Variants in ADGRB1 observed in about 807,000 individuals in gnomAD.
ADGRB1 encodes the protein adhesion G protein-coupled receptor B1, also known as brain-specific angiogenesis inhibitor 1.
ADGRB1 carries 36 observed loss-of-function variants against 175.7 expected under a neutral mutation model. The observed-to-expected ratio is 0.20, with a 90% CI of 0.16 to 0.27. The LOEUF is 0.27. Ranked by LOEUF, ADGRB1 falls within the 10% of genes least tolerant of loss-of-function variation. The pLI, the probability that ADGRB1 is intolerant of heterozygous loss-of-function variation, is 1.00. For missense variants in ADGRB1, 1,731 were observed against 2,255.3 expected, an observed-to-expected ratio of 0.77 and a Z score of 4.71; for synonymous variants, 1,054 against 979.4, an observed-to-expected ratio of 1.08 and a Z score of -1.42.
chr8:142,525,787 C>T (rs1014111733), intron 23 of ADGRB1, among the ~76,000 whole-genome samples: 79 of 152,274 alleles, frequency 5.2e-4, no homozygotes, highest in African/African-American at 1.8e-3. Flanking sequence ...GGAAGTCAGG[C>T]CTTGCCCCTC....
chr8:142,467,741 A>G (rs887342763), intron 2 of ADGRB1, among the ~76,000 whole-genome samples: 1 of 152,192 alleles, frequency 6.6e-6, no homozygotes, highest in Non-Finnish European at 1.5e-5. Context: ...GGCTTGCCGT[A>G]TGTCCCTGGG....
At chr8:142,526,499 G>A (rs1451142888) in intron 23 of ADGRB1, 43 bp from the exon 24 acceptor site, 6 of 1,366,018 alleles carry the variant, frequency 4.4e-6, no homozygotes, top group East Asian at 5.0e-5. Context: ...CTGAGCCTAC[G>A]GCGGCCCCCA....
In ADGRB1 at chr8:142,474,784, A is replaced by G. The variant is rs1840858729; in HGVS notation, c.785-690A>G. Reference sequence around the variant, plus strand: ...GAAGCTGAACAGAGCGGCCGGGGTCAGGGCAGGGGCGTGGCGGGGAGGCGC... The same window carrying G: ...GAAGCTGAACAGAGCGGCCGGGGTCGGGGCAGGGGCGTGGCGGGGAGGCGC... On this transcript the variant is annotated intron_variant, in intron 2 of 30. Transcript: ENST00000517894. This position sits in a 1 kb window ranked among gnomAD's most constrained non-coding sequence, Gnocchi z 5.8. Among the ~76,000 whole-genome samples, 1 of 152,120 alleles carries G rather than the reference A, an allele frequency of 6.6e-6. No individual in the cohort carries two copies. Among genetic ancestry groups the G allele is most frequent in the Non-Finnish European group, 1.5e-5 (1 of 68,002 alleles).
At chr8:142,459,660 A>G (rs1839867009) in intron 1 of ADGRB1, among the ~76,000 whole-genome samples, 1 of 152,206 alleles carries the variant, frequency 6.6e-6, no homozygotes, top group Admixed American at 6.5e-5. Flanking sequence ...TCACATATGC[A>G]CACTCACAGG....
chr8:142,489,360 G>A lies in ADGRB1; in HGVS notation c.2553G>A (p.Lys851=). 1.2e-6 allele frequency: 2 copies of A among 1,612,956 alleles called. No individual in the cohort carries two copies. Among genetic ancestry groups the A allele is most frequent in the East Asian group, 4.5e-5 (2 of 44,872 alleles). ...GGAACACGACCGTCCTGAATTCTAAGGTGATCTCCGTGACTGTGAAACCCC... is the reference window on the plus strand; with the variant it reads ...GGAACACGACCGTCCTGAATTCTAAAGTGATCTCCGTGACTGTGAAACCCC... ...LQRNTTVLNS[K]VISVTVKPPP... is the part of the protein sequence containing the mutation. The change falls in exon 16 of 31, where the codon AAG becomes AAA. Residue 851 remains lysine, a synonymous_variant. Transcript: ENST00000517894.
At position 142,493,492 on chromosome 8, in the gene ADGRB1, G is replaced by A. The variant is rs1051139716; in HGVS notation, c.2675+2677G>A. The stretch of plus-strand genomic sequence containing the variant: ...CAGGTGTTCCACCCACCCCGTCACC[G>A]GCTGGGTGCGCTGAGTGCTAAGGTC... On this transcript the variant is annotated intron_variant, in intron 17 of 30. Transcript: ENST00000517894. The surrounding 1 kb of genome is among the most constrained non-coding windows in gnomAD (Gnocchi z 5.0). Among the ~76,000 whole-genome samples, 4 of 152,242 alleles carry A rather than the reference G, an allele frequency of 2.6e-5. No individual in the cohort carries two copies. The highest frequency in any genetic ancestry group is 4.8e-5 in the African/African-American group (2 of 41,474).
Position 142,474,510 on chromosome 8 carries a change from C to T in ADGRB1, c.785-964C>T, listed in dbSNP as rs1288996384. 2.0e-5 allele frequency among the ~76,000 whole-genome samples: 3 copies of T among 152,172 alleles called. No homozygotes were observed. Among genetic ancestry groups the T allele is most frequent in the Non-Finnish European group, 2.9e-5 (2 of 68,016 alleles). The stretch of plus-strand genomic sequence containing the variant: ...AGGCCTGGACGCGGCAGCCCCTTCC[C>T]GGCCCCCTGGTGCTGCTGCCCCTCT... On this transcript the variant is annotated intron_variant, in intron 2 of 30. Transcript: ENST00000517894. The surrounding 1 kb of genome is among the most constrained non-coding windows in gnomAD (Gnocchi z 5.8).
Position 142,464,290 on chromosome 8 carries a change from C to T in ADGRB1, c.92C>T (p.Ala31Val). Residue 31 changes from alanine to valine, a missense_variant, in exon 2 of 31, where the codon GCC (alanine) becomes GTC (valine). Physicochemically the swap from Ala to Val is moderately conservative, Grantham distance 64. Transcript: ENST00000517894. ...CTGCTGGGACGCCGCGCGCGGGCGG[C>T]CGCCGGAGCAGACGCGGGGCCCGGG... ...LLLLGRRARAAAGADAGPGPE... is the reference protein window; with the variant it reads ...LLLLGRRARAVAGADAGPGPE... The T allele has an allele frequency of 7.3e-7, 1 of 1,368,892 alleles. No individual in the cohort carries two copies. The highest frequency in any genetic ancestry group is 9.3e-7 in the Non-Finnish European group (1 of 1,069,598). 84.8% of individuals were successfully genotyped at this position (1,368,892 alleles called of 1,614,324 possible).
Position 142,477,185 on chromosome 8 carries a change from C to T in ADGRB1, c.1129C>T (p.Arg377Cys). Residue 377 changes from arginine to cysteine, a missense_variant, in exon 5 of 31, where the codon CGC becomes TGC. This residue lies in a region of ADGRB1 where 178 missense variants were observed against 227.8 expected (regional missense o/e 0.78). Coordinates refer to ENST00000517894, the MANE Select transcript of ADGRB1 (RefSeq NM_001702.3). Reference sequence around the variant, plus strand: ...CACCTGCGGCGAGGGCTGGCAGACCCGCACGCGCTTCTGCGTGTCCTCCTC... The same window carrying T: ...CACCTGCGGCGAGGGCTGGCAGACCTGCACGCGCTTCTGCGTGTCCTCCTC... ...SSTCGEGWQT[R>C]TRFCVSSSYS... 1 of 1,597,158 alleles carries T rather than the reference C, an allele frequency of 6.3e-7. No individual in the cohort carries two copies. Among genetic ancestry groups the T allele is most frequent in the Non-Finnish European group, 8.5e-7 (1 of 1,178,248 alleles).
Position 142,474,132 on chromosome 8 carries a change from C to T in ADGRB1, c.785-1342C>T, listed in dbSNP as rs1666870139. Among the ~76,000 whole-genome samples the T allele has an allele frequency of 6.6e-6, 1 of 152,140 alleles. No homozygotes were observed. Among genetic ancestry groups the T allele is most frequent in the Non-Finnish European group, 1.5e-5 (1 of 68,022 alleles). On this transcript the variant is annotated intron_variant, in intron 2 of 30. Transcript: ENST00000517894. This position sits in a 1 kb window ranked among gnomAD's most constrained non-coding sequence, Gnocchi z 5.8. ...GGGGGAATCTGGCAGCTGGAGCTAC[C>T]CTGGGGTCTCCTGCAGTCCACACTC...
intron 26 of ADGRB1, among the ~76,000 whole-genome samples, chr8:142,539,082 C>G (rs1298438745): frequency 6.6e-6 from 1 of 152,228 alleles, no homozygotes; most frequent in Non-Finnish European, 1.5e-5. Context: ...TTACAAACAC[C>G]TGAATCCACA....
chr8:142,467,271 G>A (rs983158946), intron 2 of ADGRB1, among the ~76,000 whole-genome samples: 2 of 152,242 alleles, frequency 1.3e-5, no homozygotes, highest in Non-Finnish European at 2.9e-5. Context: ...TGGTTGGGCT[G>A]TGAGTGCAGA....
chr8:142,490,719 T>TG, intron 16 of ADGRB1, 53 bp from the exon 17 acceptor site: 2 of 1,540,066 alleles, frequency 1.3e-6, no homozygotes, highest in Non-Finnish European at 8.8e-7. Flanking sequence ...GACCCGAGGG[T>TG]GGGGGCTGGT....
At chr8:142,538,383 C>T (rs1352608764) in intron 26 of ADGRB1, among the ~76,000 whole-genome samples, 1 of 152,192 alleles carries the variant, frequency 6.6e-6, no homozygotes. Context: ...GGGTGACGTC[C>T]AGGCAGGCCC....
Position 142,510,926 on chromosome 8 carries a change from C to T in ADGRB1, c.2676-6C>T, listed in dbSNP as rs1478341435. ...TGTCTCCCTCCCGTGTCCCGCCCGCCCCCAGACCCTCCTCCTCCGCCCCCC... is the reference window on the plus strand; with the variant it reads ...TGTCTCCCTCCCGTGTCCCGCCCGCTCCCAGACCCTCCTCCTCCGCCCCCC... On this transcript the variant is annotated splice_region_variant and splice_polypyrimidine_tract_variant and intron_variant, in intron 17 of 30. Coordinates refer to ENST00000517894, the MANE Select transcript of ADGRB1 (RefSeq NM_001702.3). The surrounding 1 kb of genome is among the most constrained non-coding windows in gnomAD (Gnocchi z 6.3). 3 of 1,215,014 alleles carry T rather than the reference C, an allele frequency of 2.5e-6. No homozygotes were observed. Among genetic ancestry groups the T allele is most frequent in the African/African-American group, 3.3e-5 (2 of 61,132 alleles). The allele number at this position is 1,215,014 out of a possible 1,614,324, so 75.3% of individuals were successfully genotyped here.
chr8:142,510,623 C>G lies in ADGRB1; in HGVS notation c.2676-309C>G, dbSNP rs1347938973. Among the ~76,000 whole-genome samples the G allele has an allele frequency of 6.9e-6, 1 of 145,864 alleles. No individual in the cohort carries two copies. The highest frequency in any genetic ancestry group is 6.8e-5 in the Admixed American group (1 of 14,720). ...GCGGGGGCGCGGGGCGGGCGACTGC[C>G]GGGCCCCGGGCCAGCTCTCGCCCCC... is the stretch of plus-strand genomic sequence containing the variant. On this transcript the variant is annotated intron_variant, in intron 17 of 30. Coordinates refer to ENST00000517894, the MANE Select transcript of ADGRB1 (RefSeq NM_001702.3). The surrounding 1 kb of genome is among the most constrained non-coding windows in gnomAD (Gnocchi z 6.3).
intron 17 of ADGRB1, among the ~76,000 whole-genome samples, chr8:142,509,591 C>T (rs1240106228): frequency 1.3e-5 from 2 of 152,222 alleles, no homozygotes; most frequent in Middle Eastern, 3.2e-3. Context: ...GCTGAAGACT[C>T]TGCAAGGCAC....
At chr8:142,459,210 G>T (rs1839842488) in intron 1 of ADGRB1, among the ~76,000 whole-genome samples, 1 of 152,350 alleles carries the variant, frequency 6.6e-6, no homozygotes, top group East Asian at 1.9e-4. Flanking sequence ...GGCTGGAAAA[G>T]CCTGCTGGGG....
Position 142,489,405 on chromosome 8 carries a change from A to G in ADGRB1, c.2598A>G (p.Thr866=), listed in dbSNP as rs745386913. 63 of 1,612,670 alleles carry G rather than the reference A, an allele frequency of 3.9e-5. No homozygotes were observed. Among genetic ancestry groups the G allele is most frequent in the African/African-American group, 3.2e-4 (24 of 74,864 alleles). Residue 866 remains threonine (T), a synonymous_variant, in exon 16 of 31, where the codon ACA becomes ACG. Transcript: ENST00000517894. The part of the protein sequence containing the change: ...TVKPPPRSLR[T]PLEIEFAHMY... The stretch of plus-strand genomic sequence containing the variant: ...AACCCCCGCCTCGCTCCCTGCGCAC[A>G]CCCTTGGAGATCGAGTTTGCCCACA...
Sources: allele counts gnomAD v4.1 joint callset (sites outside exome capture counted in the v4.1 genomes callset), GRCh38; gene constraint gnomAD v4.1.1; regional missense constraint gnomAD v4.1.1; non-coding constraint Gnocchi (gnomAD v3.1); transcripts MANE v1.5; gene names NCBI Gene and HGNC (gene_info 2026-07-23, HGNC 2026-07-21).